BTLA: variants seen among roughly 807,000 people sequenced by gnomAD.
BTLA encodes B- and T-lymphocyte attenuator.
BTLA carries 11 observed loss-of-function variants against 25.0 expected under a neutral mutation model. The ratio of observed to expected loss-of-function variants is 0.44; its 90% CI spans 0.28 to 0.73. BTLA has a LOEUF of 0.73. BTLA is among the 30% of genes least tolerant of loss of function. The pLI is 0.15. For synonymous variants in BTLA, 104 were observed against 119.8 expected, an observed-to-expected ratio of 0.87 and a Z score of 0.86; for missense variants, 282 against 332.8, an observed-to-expected ratio of 0.85 and a Z score of 1.19.
intron 1 of BTLA, among the ~76,000 whole-genome samples, chr3:112,483,639 T>C (rs1271168319): frequency 6.6e-6 from 1 of 151,952 alleles, no homozygotes; most frequent in Non-Finnish European, 1.5e-5. Context: ...TAAAAATGAA[T>C]GGCAATTGGG....
chr3:112,479,582 C>T lies in BTLA; in HGVS notation c.276G>A (p.Glu92=). 1.2e-6 allele frequency: 2 copies of T among 1,614,108 alleles called. No homozygotes were observed. The highest frequency in any genetic ancestry group is 1.7e-6 in the Non-Finnish European group (2 of 1,179,960). ...LEDRQTSWKE[E]KNISFFILHF... ...GTAGAATGAAAAATGAAATGTTCTT[C>T]TCTTCCTTCCAACTTGTTTGTCTAT... Residue 92 remains glutamate (E), a synonymous_variant, in exon 2 of 5, where the codon GAG becomes GAA. Coordinates refer to ENST00000334529, the MANE Select transcript of BTLA (RefSeq NM_181780.4).
chr3:112,479,369 A>G, intron 2 of BTLA, 86 bp downstream of exon 2: 1 of 1,345,550 alleles, frequency 7.4e-7, no homozygotes, highest in Non-Finnish European at 1.0e-6. Flanking sequence ...TTGGCTTTCT[A>G]ACATAATCAC....
chr3:112,465,814 T>G lies in BTLA; in HGVS notation c.*294A>C. ...CTTCAAAGGCAAGATCGAGTTTGTA[T>G]ATTGGGTAAAATGTAGCTAAGTTTA... On this transcript the variant is annotated 3_prime_UTR_variant, in exon 5 of 5. Transcript: ENST00000334529. 4.1e-6 allele frequency: 1 copy of G among 241,550 alleles called. No individual in the cohort carries two copies. The highest frequency in any genetic ancestry group is 7.9e-6 in the Non-Finnish European group (1 of 126,114). The allele number at this position is 241,550 out of a possible 1,614,324, so 15.0% of individuals were successfully genotyped here.
chr3:112,473,808 G>T (rs1224201943), intron 2 of BTLA, among the ~76,000 whole-genome samples: 2 of 151,664 alleles, frequency 1.3e-5, no homozygotes, highest in Admixed American at 6.6e-5. Flanking sequence ...TAGAGATAGG[G>T]TTTCACCATG....
intron 2 of BTLA, among the ~76,000 whole-genome samples, chr3:112,476,871 C>A (rs1322630252): frequency 2.0e-5 from 3 of 152,158 alleles, no homozygotes; most frequent in Admixed American, 6.5e-5. Flanking sequence ...CCCCTGGCAA[C>A]CACCAAGCTA....
At chr3:112,479,425 T>G in intron 2 of BTLA, 30 bp downstream of exon 2, 1 of 1,553,058 alleles carries the variant, frequency 6.4e-7, no homozygotes, top group Non-Finnish European at 8.7e-7. Context: ...ATAAGAAAAA[T>G]ATCAGATGGT....
At chr3:112,493,396 ACCCAT>A (rs2082390735) in intron 1 of BTLA, among the ~76,000 whole-genome samples, 1 of 152,234 alleles carries the variant, frequency 6.6e-6, no homozygotes, top group Non-Finnish European at 1.5e-5. Context: ...TTTGCAATCT[ACCCAT>A]CTGAAAAAGG....
intron 1 of BTLA, among the ~76,000 whole-genome samples, chr3:112,493,445 A>C (rs2082390897): frequency 6.6e-6 from 1 of 152,156 alleles, no homozygotes; most frequent in Admixed American, 6.5e-5. Flanking sequence ...AACTTAAATA[A>C]GTTTACAAGA....
intron 1 of BTLA, among the ~76,000 whole-genome samples, chr3:112,486,073 C>G (rs772633115): frequency 6.6e-6 from 1 of 152,200 alleles, no homozygotes; most frequent in Non-Finnish European, 1.5e-5. Flanking sequence ...GCCTAGATCG[C>G]GCCACTGCAC....
intron 1 of BTLA, among the ~76,000 whole-genome samples, chr3:112,486,909 T>G (rs1461324070): frequency 1.3e-5 from 2 of 152,160 alleles, no homozygotes; most frequent in East Asian, 3.9e-4. Context: ...GTCTCAGCAT[T>G]CTCTGTGGTA....
chr3:112,474,498 TAAAAG>T (rs1313956417), intron 2 of BTLA, among the ~76,000 whole-genome samples: 19 of 148,976 alleles, frequency 1.3e-4, no homozygotes, highest in Non-Finnish European at 1.8e-4. Context: ...TGAAGGAAGT[TAAAAG>T]AAAAAAAAAA....
At chr3:112,487,173 C>T (rs556492438) in intron 1 of BTLA, among the ~76,000 whole-genome samples, 3 of 152,292 alleles carry the variant, frequency 2.0e-5, no homozygotes, top group Non-Finnish European at 4.4e-5. Flanking sequence ...TTGAAGTTTA[C>T]ATATATATCA....
rs189190331 is a variant in BTLA, at chr3:112,486,757, G to A, written c.89-6988C>T. On this transcript the variant is annotated intron_variant, in intron 1 of 4. Transcript: ENST00000334529. ...AATATTAATCAATCTAACATTTTAT[G>A]CATGAAATAAAGTTGCCAAGCCGAA... Among the ~76,000 whole-genome samples the A allele has an allele frequency of 1.1e-4, 17 of 152,248 alleles. No individual in the cohort carries two copies. In the South Asian group the frequency reaches 2.1e-3, roughly 19 times the overall value.
chr3:112,468,270 A>G (rs1169502759), intron 4 of BTLA, among the ~76,000 whole-genome samples: 3 of 152,222 alleles, frequency 2.0e-5, no homozygotes, highest in Non-Finnish European at 2.9e-5. Flanking sequence ...ACCGTTTTGG[A>G]TTAAGATCAG....
intron 1 of BTLA, among the ~76,000 whole-genome samples, chr3:112,490,463 A>G (rs769017523): frequency 1.3e-5 from 2 of 152,186 alleles, no homozygotes; most frequent in Non-Finnish European, 2.9e-5. Context: ...TCTTTCCTGA[A>G]AAACAACACT....
intron 1 of BTLA, among the ~76,000 whole-genome samples, chr3:112,487,315 T>G (rs962875820): frequency 6.6e-6 from 1 of 152,250 alleles, no homozygotes; most frequent in Non-Finnish European, 1.5e-5. Context: ...CCGGGCGTGG[T>G]GACTCATGCC....
chr3:112,499,424 T>C lies in BTLA; in HGVS notation c.-66A>G. ...AGGCTTTGCTTCGTCTTCTGAGTGC[T>C]GCAGAGTTGGGTCAGTTTACCTACC... On this transcript the variant is annotated 5_prime_UTR_variant, in exon 1 of 5. Transcript: ENST00000334529. 1 of 1,422,736 alleles carries C rather than the reference T, an allele frequency of 7.0e-7. No individual in the cohort carries two copies. The highest frequency in any genetic ancestry group is 9.7e-7 in the Non-Finnish European group (1 of 1,030,692). 88.1% of individuals were successfully genotyped at this position (1,422,736 alleles called of 1,614,324 possible). A position where few individuals can be genotyped will look rare whatever the true frequency, so the allele number is the denominator to read the frequency against.
At chr3:112,480,179 C>T (rs1477273282) in intron 1 of BTLA, among the ~76,000 whole-genome samples, 1 of 152,100 alleles carries the variant, frequency 6.6e-6, no homozygotes, top group Non-Finnish European at 1.5e-5. Flanking sequence ...TAAGAAGTTT[C>T]TTTGTAATTC....
At chr3:112,473,994 G>A (rs1397570778) in intron 2 of BTLA, among the ~76,000 whole-genome samples, 3 of 152,062 alleles carry the variant, frequency 2.0e-5, no homozygotes, top group African/African-American at 7.2e-5. Context: ...TGTTTCAAGG[G>A]CTGTTCCCCA....
Sources: allele counts gnomAD v4.1 joint callset (sites outside exome capture counted in the v4.1 genomes callset), GRCh38; gene constraint gnomAD v4.1.1; transcripts MANE v1.5; gene names NCBI Gene and HGNC (gene_info 2026-07-23, HGNC 2026-07-21).